TMEM132D: variants seen among roughly 807,000 people sequenced by gnomAD.
The protein encoded by TMEM132D is mature OL transmembrane protein.
Under a neutral mutation model 62.3 loss-of-function variants are expected in TMEM132D, and 21 were observed. That is an observed-to-expected ratio of 0.34 (90% CI 0.24 to 0.49). The LOEUF is 0.49. TMEM132D is among the 20% of genes least tolerant of loss of function. The pLI, the probability that TMEM132D is intolerant of heterozygous loss-of-function variation, is 0.99. For missense variants in TMEM132D, 1,346 were observed against 1,402.8 expected, an observed-to-expected ratio of 0.96 and a Z score of 0.65; for synonymous variants, 621 against 575.6, an observed-to-expected ratio of 1.08 and a Z score of -1.13.
intron 2 of TMEM132D, among the ~76,000 whole-genome samples, chr12:129,692,969 C>T (rs941164127): frequency 1.3e-5 from 2 of 152,096 alleles, no homozygotes; most frequent in Non-Finnish European, 2.9e-5. Context: ...ACCTGCACAT[C>T]CTGCACACGT....
At chr12:129,347,164 A>C (rs924374284) in intron 3 of TMEM132D, among the ~76,000 whole-genome samples, 12 of 152,212 alleles carry the variant, frequency 7.9e-5, no homozygotes, top group African/African-American at 2.7e-4. Context: ...TGCTATCCCC[A>C]TCAAGCTACC....
At chr12:129,672,372 C>T (rs1447595847) in intron 2 of TMEM132D, among the ~76,000 whole-genome samples, 1 of 152,204 alleles carries the variant, frequency 6.6e-6, no homozygotes, top group Admixed American at 6.5e-5. Flanking sequence ...GGGAGCCCAG[C>T]TCGTCACCTT....
intron 3 of TMEM132D, among the ~76,000 whole-genome samples, chr12:129,361,181 T>G (rs2135674418): frequency 6.6e-6 from 1 of 152,214 alleles, no homozygotes; most frequent in African/African-American, 2.4e-5. Flanking sequence ...GCTAAGAAAT[T>G]CAAATGAAAT....
chr12:129,575,343 G>T (rs1006569252), intron 2 of TMEM132D, among the ~76,000 whole-genome samples: 4 of 151,782 alleles, frequency 2.6e-5, no homozygotes, highest in African/African-American at 9.7e-5. Context: ...TTGGCTGATG[G>T]CACCTGCGTT....
intron 3 of TMEM132D, among the ~76,000 whole-genome samples, chr12:129,418,895 G>A (rs1001249555): frequency 1.3e-5 from 2 of 152,124 alleles, no homozygotes; most frequent in African/African-American, 4.8e-5. Context: ...AGGGCAGAGG[G>A]CAATGTGATA....
At chr12:129,538,226 A>C (rs561657770) in intron 2 of TMEM132D, among the ~76,000 whole-genome samples, 4 of 152,148 alleles carry the variant, frequency 2.6e-5, no homozygotes, top group Non-Finnish European at 5.9e-5. Context: ...AAACTCCCGA[A>C]CTTCCATCAC....
chr12:129,439,756 GTTT>G (rs374420497), intron 3 of TMEM132D, among the ~76,000 whole-genome samples: 1 of 151,986 alleles, frequency 6.6e-6, no homozygotes, highest in African/African-American at 2.4e-5. Flanking sequence ...CTGGCCTGGA[GTTT>G]TTTTTAAGTG....
At chr12:129,461,413 C>A (rs1873665222) in intron 3 of TMEM132D, among the ~76,000 whole-genome samples, 1 of 151,950 alleles carries the variant, frequency 6.6e-6, no homozygotes, top group Non-Finnish European at 1.5e-5. Flanking sequence ...AGCCCAGCCA[C>A]CTAAGAGGGG....
At chr12:129,818,046 GTGTGAGA>G (rs1872414432) in intron 1 of TMEM132D, among the ~76,000 whole-genome samples, 1 of 148,864 alleles carries the variant, frequency 6.7e-6, no homozygotes, top group African/African-American at 2.5e-5. Context: ...TGTGTGTGTG[GTGTGAGA>G]TGTATGTGTG....
At chr12:129,850,790 A>G (rs1464606435) in intron 1 of TMEM132D, among the ~76,000 whole-genome samples, 1 of 152,238 alleles carries the variant, frequency 6.6e-6, no homozygotes, top group Non-Finnish European at 1.5e-5. Flanking sequence ...TTTAATTGTT[A>G]CCAACGATGA....
chr12:129,524,226 TATA>T (rs1239727883), intron 3 of TMEM132D, among the ~76,000 whole-genome samples: 1 of 149,762 alleles, frequency 6.7e-6, no homozygotes, highest in Non-Finnish European at 1.5e-5. Context: ...AAACTTAAAG[TATA>T]ATAATAAAAA....
intron 2 of TMEM132D, among the ~76,000 whole-genome samples, chr12:129,552,856 C>A (rs1876938737): frequency 6.6e-6 from 1 of 152,146 alleles, no homozygotes; most frequent in Non-Finnish European, 1.5e-5. Flanking sequence ...TTTATATTAT[C>A]TATCATCTAC....
chr12:129,363,246 G>A (rs991532418), intron 3 of TMEM132D, among the ~76,000 whole-genome samples: 1 of 152,212 alleles, frequency 6.6e-6, no homozygotes, highest in African/African-American at 2.4e-5. Flanking sequence ...CAGCAAGCAA[G>A]TGAGCTTGTG....
rs778665596 is a variant in TMEM132D, at chr12:129,290,206, CT to C, written c.1299+47427del. 4.6e-5 allele frequency among the ~76,000 whole-genome samples: 7 copies of C among 152,032 alleles called. No homozygotes were observed. In the South Asian group the frequency reaches 1.5e-3, roughly 32 times the overall value. On this transcript the variant is annotated intron_variant, in intron 4 of 8. Transcript: ENST00000422113. Reference sequence around the variant, plus strand: ...AGAGAGTCAATGTTTTTCCTCACCTCTTTGTTACCCTTCCAGGTTAATCCTG... The same window carrying C: ...AGAGAGTCAATGTTTTTCCTCACCTCTTGTTACCCTTCCAGGTTAATCCTG...
intron 5 of TMEM132D, among the ~76,000 whole-genome samples, chr12:129,201,403 T>G (rs1203062974): frequency 6.6e-6 from 1 of 152,142 alleles, no homozygotes; most frequent in East Asian, 1.9e-4. Context: ...CATGGGTTGC[T>G]TTTGCTGCAG....
At chr12:129,671,808 G>T (rs1189880479) in intron 2 of TMEM132D, among the ~76,000 whole-genome samples, 6 of 152,202 alleles carry the variant, frequency 3.9e-5, no homozygotes, top group Non-Finnish European at 7.3e-5. Context: ...TCCTTGATCA[G>T]ACCTTGAAAG....
intron 3 of TMEM132D, among the ~76,000 whole-genome samples, chr12:129,386,058 T>C (rs569681155): frequency 2.6e-5 from 4 of 152,330 alleles, no homozygotes; most frequent in African/African-American, 7.2e-5. Context: ...ACAGTCACTT[T>C]CCTGCTGGCT....
intron 1 of TMEM132D, among the ~76,000 whole-genome samples, chr12:129,902,911 G>A (rs1875408551): frequency 6.6e-6 from 1 of 152,166 alleles, no homozygotes; most frequent in African/African-American, 2.4e-5. Context: ...CCCGACAGCC[G>A]GCTCGGCCCT....
chr12:129,256,621 G>A (rs1273140485), intron 4 of TMEM132D, among the ~76,000 whole-genome samples: 2 of 152,032 alleles, frequency 1.3e-5, no homozygotes, highest in Admixed American at 6.5e-5. Flanking sequence ...GGAGTTTCGC[G>A]ATGTTGGCTA....
Sources: gnomAD v4.1 joint callset for allele counts (sites outside exome capture counted in the v4.1 genomes callset) on GRCh38, gnomAD v4.1.1 for gene constraint, MANE v1.5 for transcripts, NCBI Gene and HGNC (gene_info 2026-07-23, HGNC 2026-07-21) for gene names.